BNC2: variants seen among roughly 807,000 people sequenced by gnomAD.
BNC2 encodes zinc finger protein basonuclin-2.
BNC2 carries 20 observed loss-of-function variants against 76.3 expected under a neutral mutation model. The observed-to-expected ratio is 0.26, with a 90% CI of 0.18 to 0.38. BNC2 has a LOEUF of 0.38. BNC2 is among the 10% of genes least tolerant of loss of function. The probability of loss-of-function intolerance (pLI) is 1.00; values close to 1 mark genes in which losing one functional copy is unlikely to be tolerated. For synonymous variants in BNC2, 582 were observed against 514.8 expected (o/e 1.13, Z -1.77); for missense variants, 1,382 against 1,399.8 (o/e 0.99, Z 0.20).
chr9:16,800,083 G>A (rs1817745658), intron 1 of BNC2, among the ~76,000 whole-genome samples: 1 of 152,048 alleles, frequency 6.6e-6, no homozygotes, highest in South Asian at 2.1e-4. Context: ...AAATTAGCCA[G>A]GCATGGTAGC....
In BNC2 at chr9:16,433,530, C is replaced by T. The variant is rs562118486; in HGVS notation, c.2639+2025G>A. On this transcript the variant is annotated intron_variant, in intron 6 of 6. Coordinates refer to ENST00000380672, the MANE Select transcript of BNC2 (RefSeq NM_017637.6). ...TATATGGCTAGTCACTCACTAAAAT[C>T]CTGATACCTACAATAAAAATGAAGA... Among the ~76,000 whole-genome samples the T allele has an allele frequency of 3.9e-5, 6 of 152,280 alleles. No homozygotes were observed. In the South Asian group the frequency reaches 1.2e-3, roughly 32 times the overall value.
intron 4 of BNC2, among the ~76,000 whole-genome samples, chr9:16,558,461 T>A (rs924236309): frequency 2.0e-5 from 3 of 152,200 alleles, no homozygotes; most frequent in Non-Finnish European, 4.4e-5. Context: ...GCTGGTACTA[T>A]CCCTGGAATC....
rs537412364 is a variant in BNC2, at chr9:16,807,035, A to G, written c.3+63611T>C. Among the ~76,000 whole-genome samples, 10 of 152,320 alleles carry G rather than the reference A, an allele frequency of 6.6e-5. No individual in the cohort carries two copies. The South Asian group carries it at 2.1e-3, about 32-fold the overall frequency. ...TTTTTTTCAGGTTAGACCCAATGTA[A>G]TGTTAAGCAGATTATACTTTCTTGA... On this transcript the variant is annotated intron_variant, in intron 1 of 6. Coordinates refer to ENST00000380672, the MANE Select transcript of BNC2 (RefSeq NM_017637.6).
intron 3 of BNC2, among the ~76,000 whole-genome samples, chr9:16,585,094 T>G (rs143973261): frequency 3.3e-5 from 5 of 152,240 alleles, no homozygotes; most frequent in African/African-American, 1.2e-4. Flanking sequence ...TTTGATAATA[T>G]TTAATTATTT....
chr9:16,463,916 C>T (rs561804627), intron 5 of BNC2, among the ~76,000 whole-genome samples: 3 of 151,610 alleles, frequency 2.0e-5, no homozygotes, highest in African/African-American at 7.3e-5. Flanking sequence ...GCCAACATGG[C>T]GAAACCTTGT....
At chr9:16,575,977 C>G (rs577626851) in intron 4 of BNC2, among the ~76,000 whole-genome samples, 1 of 152,198 alleles carries the variant, frequency 6.6e-6, no homozygotes, top group Non-Finnish European at 1.5e-5. Context: ...TTTTTCCAAA[C>G]GAGTGCACCA....
At chr9:16,707,339 G>T (rs1017657881) in intron 3 of BNC2, among the ~76,000 whole-genome samples, 5 of 152,182 alleles carry the variant, frequency 3.3e-5, no homozygotes, top group African/African-American at 1.2e-4. Flanking sequence ...AAAATTGAAG[G>T]AAGAATCAAG....
At chr9:16,558,718 T>C (rs73417483) in intron 4 of BNC2, among the ~76,000 whole-genome samples, 13,346 of 152,028 alleles carry the variant, frequency 0.088, 1,309 homozygotes, top group African/African-American at 0.23. Flanking sequence ...ATCATGAGGT[T>C]AGGAGTTCGA....
At chr9:16,471,314 G>C (rs1400874066) in intron 5 of BNC2, among the ~76,000 whole-genome samples, 2 of 136,448 alleles carry the variant, frequency 1.5e-5, no homozygotes, top group South Asian at 4.7e-4. Context: ...TTTTTTTTAA[G>C]ATAGAGTCTC....
chr9:16,601,688 T>G (rs1271884658), intron 3 of BNC2, among the ~76,000 whole-genome samples: 3 of 87,896 alleles, frequency 3.4e-5, no homozygotes, highest in Non-Finnish European at 2.2e-5. Flanking sequence ...GCTATCCATT[T>G]TCATTTTAAA....
At chr9:16,560,143 G>A (rs1818965444) in intron 4 of BNC2, among the ~76,000 whole-genome samples, 2 of 152,146 alleles carry the variant, frequency 1.3e-5, no homozygotes, top group Non-Finnish European at 2.9e-5. Context: ...TGATTCACTG[G>A]GTCTGGGCAT....
intron 2 of BNC2, among the ~76,000 whole-genome samples, chr9:16,736,227 A>G (rs1376613264): frequency 7.9e-5 from 12 of 151,202 alleles, no homozygotes; most frequent in Admixed American, 7.9e-4. Flanking sequence ...AAAAAAAAAA[A>G]GGAAAGAAAG....
At chr9:16,847,916 T>C (rs1211778841) in intron 1 of BNC2, among the ~76,000 whole-genome samples, 1 of 152,172 alleles carries the variant, frequency 6.6e-6, no homozygotes, top group Non-Finnish European at 1.5e-5. Flanking sequence ...GTTACATAAA[T>C]ACATAAAAAA....
At chr9:16,667,175 C>T (rs113649227) in intron 3 of BNC2, among the ~76,000 whole-genome samples, 3 of 152,060 alleles carry the variant, frequency 2.0e-5, no homozygotes, top group Admixed American at 6.6e-5. Context: ...GGTTGTTTAT[C>T]CAAATGGTAA....
chr9:16,568,963 G>A (rs1819240741), intron 4 of BNC2, among the ~76,000 whole-genome samples: 1 of 149,206 alleles, frequency 6.7e-6, no homozygotes, highest in Non-Finnish European at 1.5e-5. Flanking sequence ...TGTCAAGGTT[G>A]AATTAATTAG....
intron 3 of BNC2, among the ~76,000 whole-genome samples, chr9:16,616,259 G>C (rs954889289): frequency 3.3e-5 from 5 of 152,072 alleles, no homozygotes; most frequent in African/African-American, 1.2e-4. Context: ...GGGCCTGGTA[G>C]TGCATACCTA....
chr9:16,656,471 C>G (rs192807109), intron 3 of BNC2, among the ~76,000 whole-genome samples: 16 of 152,174 alleles, frequency 1.1e-4, no homozygotes, highest in African/African-American at 3.9e-4. Flanking sequence ...AGTCTGAAGT[C>G]AAGAAATAAT....
chr9:16,785,788 C>T (rs1393528622), intron 1 of BNC2, among the ~76,000 whole-genome samples: 3 of 145,210 alleles, frequency 2.1e-5, no homozygotes, highest in Non-Finnish European at 4.5e-5. Flanking sequence ...GCCTGGGCAA[C>T]AGAGCCAGAT....
chr9:16,574,661 T>A (rs1328099410), intron 4 of BNC2, among the ~76,000 whole-genome samples: 1 of 152,146 alleles, frequency 6.6e-6, no homozygotes, highest in Non-Finnish European at 1.5e-5. Context: ...TCCCAACACA[T>A]TCCACATTCG....
Sources: allele counts gnomAD v4.1 joint callset (sites outside exome capture counted in the v4.1 genomes callset), GRCh38; gene constraint gnomAD v4.1.1; transcripts MANE v1.5; gene names NCBI Gene and HGNC (gene_info 2026-07-23, HGNC 2026-07-21).